Variants in PLPBP observed in about 807,000 individuals in gnomAD.
The protein encoded by PLPBP is pyridoxal phosphate binding protein.
Under a neutral mutation model 31.2 loss-of-function variants are expected in PLPBP, and 21 were observed. The ratio of observed to expected loss-of-function variants is 0.67; its 90% confidence interval spans 0.48 to 0.97. The LOEUF (loss-of-function observed/expected upper bound fraction) is 0.97, where lower values mean the gene tolerates loss of function less well. Ranked by LOEUF, PLPBP falls within the 50% of genes least tolerant of loss-of-function variation. The probability of loss-of-function intolerance (pLI) is 0.00; values close to 1 mark genes in which losing one functional copy is unlikely to be tolerated. For synonymous variants in PLPBP, 124 were observed against 135.6 expected, an observed-to-expected ratio of 0.91 and a Z score of 0.59; for missense variants, 308 against 354.4, an observed-to-expected ratio of 0.87 and a Z score of 1.05.
rs545447932 is a variant in PLPBP at position 37,765,238 on chromosome 8, A to G, written c.100-288A>G. Among the ~76,000 whole-genome samples, 3 of 152,358 alleles carry G rather than the reference A, an allele frequency of 2.0e-5. No homozygotes were observed. The East Asian group carries it at 5.8e-4, about 29-fold the overall frequency. On this transcript the variant is annotated intron_variant, in intron 1 of 7. Transcript: ENST00000328195. ...ATGCAGTTGGTCAAAGACCACACTT[A>G]CAGGAAATACTGCTTTAACTTGCCC...
At position 37,775,462 on chromosome 8, in the gene PLPBP, G is replaced by A; in HGVS notation, c.578G>A (p.Gly193Glu). Residue 193 changes from glycine to glutamate, a missense_variant, in exon 6 of 8, where the codon GGA becomes GAA. By Grantham distance (98) the Gly-to-Glu change is moderately conservative. This residue lies in a region of PLPBP where 188 missense variants were observed against 259.3 expected (regional missense o/e 0.73). Coordinates refer to ENST00000328195, the MANE Select transcript of PLPBP (RefSeq NM_007198.4). ...AGCTTTGGGCATGATCTTAGTCAAG[G>A]ACCAAATCCAGACTTCCAGGTACTG... is the stretch of plus-strand genomic sequence containing the variant. ...IGSFGHDLSQGPNPDFQLLLS... is the reference protein window; with the variant it reads ...IGSFGHDLSQEPNPDFQLLLS... 2 of 1,614,076 alleles carry A rather than the reference G, an allele frequency of 1.2e-6. No homozygotes were observed. Among genetic ancestry groups the A allele is most frequent in the Non-Finnish European group, 1.7e-6 (2 of 1,180,042 alleles).
chr8:37,766,259 TG>T lies in PLPBP; in HGVS notation c.244-19del. 6.3e-7 allele frequency: 1 copy of T among 1,592,182 alleles called. No homozygotes were observed. The highest frequency in any genetic ancestry group is 1.7e-4 in the Middle Eastern group (1 of 5,992). On this transcript the variant is annotated intron_variant, in intron 3 of 7. Coordinates refer to ENST00000328195, the MANE Select transcript of PLPBP (RefSeq NM_007198.4). Reference sequence around the variant, plus strand: ...GCCTCTATAAAATCTGAATTACACATGGTTACCTTTTTCCCCTCAGATTCTG... The same window carrying T: ...GCCTCTATAAAATCTGAATTACACATGTTACCTTTTTCCCCTCAGATTCTG...
rs762876234 is a variant in PLPBP at position 37,762,654 on chromosome 8, CG to C, written c.-1del. On this transcript the variant is annotated 5_prime_UTR_variant, in exon 1 of 8. Coordinates refer to ENST00000328195, the MANE Select transcript of PLPBP (RefSeq NM_007198.4). ...GGGCCTGGGGCTCGGCGTCGGTCCC[CG>C]GGGGATGTGGAGAGCTGGCAGCATG... 4.4e-6 allele frequency: 7 copies of C among 1,574,044 alleles called. No homozygotes were observed. The African/African-American group carries it at 5.4e-5, about 12-fold the overall frequency.
intron 5 of PLPBP, among the ~76,000 whole-genome samples, chr8:37,773,779 T>G (rs1274348143): frequency 2.0e-5 from 3 of 151,898 alleles, no homozygotes; most frequent in Non-Finnish European, 4.4e-5. Context: ...TGGGATTGTG[T>G]CTTTCATCTG....
chr8:37,762,649 G>T lies in PLPBP; in HGVS notation c.-11G>T, dbSNP rs1410248592. 2 of 1,569,918 alleles carry T rather than the reference G, an allele frequency of 1.3e-6. No individual in the cohort carries two copies. Among genetic ancestry groups the T allele is most frequent in the East Asian group, 2.3e-5 (1 of 43,364 alleles). On this transcript the variant is annotated 5_prime_UTR_variant, in exon 1 of 8. Coordinates refer to ENST00000328195, the MANE Select transcript of PLPBP (RefSeq NM_007198.4). The stretch of plus-strand genomic sequence containing the variant: ...GCCGGGGGCCTGGGGCTCGGCGTCG[G>T]TCCCCGGGGGATGTGGAGAGCTGGC...
chr8:37,775,656 C>T (rs192169026), intron 6 of PLPBP, among the ~76,000 whole-genome samples, 175 bp downstream of exon 6: 1 of 152,248 alleles, frequency 6.6e-6, no homozygotes, highest in Admixed American at 6.5e-5. Context: ...TTTCCAAAGC[C>T]CCACAAACCT....
intron 1 of PLPBP, among the ~76,000 whole-genome samples, chr8:37,762,983 C>T (rs946490670): frequency 5.3e-5 from 8 of 152,178 alleles, no homozygotes; most frequent in African/African-American, 1.7e-4. Context: ...GGTACCGCTA[C>T]CTCGGGAAAA....
At chr8:37,766,176 G>A (rs1803622529) in intron 3 of PLPBP, 104 bp from the exon 4 acceptor site, 1 of 807,496 alleles carries the variant, frequency 1.2e-6, no homozygotes, top group Non-Finnish European at 2.0e-6. Flanking sequence ...TACATTTAAG[G>A]AACAGAGAGT....
rs1442869903 is a variant in PLPBP, at chr8:37,776,029, C to T, written c.696+13C>T. On this transcript the variant is annotated intron_variant, in intron 7 of 7. Coordinates refer to ENST00000328195, the MANE Select transcript of PLPBP (RefSeq NM_007198.4). ...TTTCCAGCATGCGGTGAGTGTCCTG[C>T]CAGTGCCCTGTCTGCCTCGAGGGGT... The T allele has an allele frequency of 3.7e-6, 6 of 1,608,760 alleles. No homozygotes were observed. The Admixed American group carries it at 1.0e-4, about 27-fold the overall frequency.
At chr8:37,775,505 C>T (rs1193458942) in intron 6 of PLPBP, 24 bp downstream of exon 6, 2 of 1,612,666 alleles carry the variant, frequency 1.2e-6, no homozygotes, top group African/African-American at 1.3e-5. Context: ...GGGGAGATTG[C>T]TCGTGTGCTA....
intron 4 of PLPBP, among the ~76,000 whole-genome samples, chr8:37,769,679 G>A (rs1402614742): frequency 6.6e-6 from 1 of 152,120 alleles, no homozygotes; most frequent in Non-Finnish European, 1.5e-5. Context: ...TGTTTTGAGG[G>A]AGTGAGTAAA....
chr8:37,778,339 G>A lies in PLPBP; in HGVS notation c.*235G>A, dbSNP rs550499371. On this transcript the variant is annotated 3_prime_UTR_variant, in exon 8 of 8. Transcript: ENST00000328195. ...CTGCAGAACAGATACCAAATCAATA[G>A]CTAGGAATCATGTTCAATATTGAAT... 2.1e-4 allele frequency: 69 copies of A among 334,268 alleles called. No homozygotes were observed. Among genetic ancestry groups the A allele is most frequent in the Non-Finnish European group, 3.7e-4 (66 of 180,216 alleles). 20.7% of individuals were successfully genotyped at this position (334,268 alleles called of 1,614,324 possible).
chr8:37,775,654 G>C (rs1015624776), intron 6 of PLPBP, among the ~76,000 whole-genome samples, 173 bp downstream of exon 6: 1 of 152,164 alleles, frequency 6.6e-6, no homozygotes. Context: ...GGTTTCCAAA[G>C]CCCCACAAAC....
Position 37,762,734 on chromosome 8 carries a change from G to A in PLPBP, c.75G>A (p.Gln25=). The change falls in exon 1 of 8, where the codon CAG becomes CAA. Residue 25 remains glutamine (Q), a synonymous_variant. Transcript: ENST00000328195. ...TGCGGGCGGTGAACGAGCGCGTGCA[G>A]CAGGCTGTGGCGCGGCGGCCGCGGG... ...CALRAVNERV[Q]QAVARRPRDL... is the part of the protein sequence containing the mutation. The A allele has an allele frequency of 7.0e-6, 11 of 1,581,918 alleles. No homozygotes were observed. The highest frequency in any genetic ancestry group is 1.1e-5 in the South Asian group (1 of 87,528).
At chr8:37,765,777 A>G (rs765118834) in intron 3 of PLPBP, 31 bp downstream of exon 3, 4 of 1,601,682 alleles carry the variant, frequency 2.5e-6, no homozygotes, top group African/African-American at 1.4e-5. Flanking sequence ...TTTAATTTGT[A>G]TCTAAATCTT....
chr8:37,766,769 C>A, intron 4 of PLPBP: 2 of 607,028 alleles, frequency 3.3e-6, no homozygotes, highest in Non-Finnish European at 4.1e-6. Flanking sequence ...GTAGGCCAGG[C>A]GCGGTGGCTG....
intron 7 of PLPBP, among the ~76,000 whole-genome samples, chr8:37,777,416 G>C (rs190216296): frequency 6.6e-6 from 1 of 151,972 alleles, no homozygotes; most frequent in Non-Finnish European, 1.5e-5. Flanking sequence ...GACCCCCTCC[G>C]AGCTGAGTGC....
rs767202310 is a variant in PLPBP, at chr8:37,778,114, TACTGAGAGC to T, written c.*14_*22del. 8 of 1,611,494 alleles carry T rather than the reference TACTGAGAGC, an allele frequency of 5.0e-6. No homozygotes were observed. In the South Asian group the frequency reaches 8.8e-5, roughly 18 times the overall value. On this transcript the variant is annotated 3_prime_UTR_variant, in exon 8 of 8. Transcript: ENST00000328195. ...GGCACAGGAGCACTGAGCCAGGGAA[TACTGAGAGC>T]ACTAACTATGCACTAACCTAGATTT...
At position 37,762,656 on chromosome 8, in the gene PLPBP, G is replaced by A. The variant is rs766161336; in HGVS notation, c.-4G>A. On this transcript the variant is annotated 5_prime_UTR_variant, in exon 1 of 8. Coordinates refer to ENST00000328195, the MANE Select transcript of PLPBP (RefSeq NM_007198.4). ...GCCTGGGGCTCGGCGTCGGTCCCCG[G>A]GGGATGTGGAGAGCTGGCAGCATGT... The A allele has an allele frequency of 7.0e-6, 11 of 1,576,240 alleles. No homozygotes were observed. In the East Asian group the frequency reaches 1.1e-4, roughly 16 times the overall value.
Sources: gnomAD v4.1 joint callset for allele counts (sites outside exome capture counted in the v4.1 genomes callset) on GRCh38, gnomAD v4.1.1 for gene constraint, gnomAD v4.1.1 regional missense constraint, MANE v1.5 for transcripts, NCBI Gene and HGNC (gene_info 2026-07-23, HGNC 2026-07-21) for gene names.